The following NEBL variants were observed in gnomAD, a reference collection of about 807,000 sequenced individuals.
NEBL encodes nebulette.
A neutral mutation model predicts 140.2 loss-of-function variants in NEBL; 122 were observed. The observed-to-expected ratio is 0.87, with a 90% CI of 0.75 to 1.01. The LOEUF (loss-of-function observed/expected upper bound fraction) is 1.01. NEBL is among the 50% of genes least tolerant of loss of function. NEBL has a pLI of 0.00. For synonymous variants in NEBL, 436 were observed against 398.9 expected, an observed-to-expected ratio of 1.09 and a Z score of -1.11; for missense variants, 1,365 against 1,231.3, an observed-to-expected ratio of 1.11 and a Z score of -1.62.
Position 20,889,969 on chromosome 10 carries a change from A to G in NEBL, c.154-20T>C. 1 of 1,472,220 alleles carries G rather than the reference A, an allele frequency of 6.8e-7. No individual in the cohort carries two copies. Among genetic ancestry groups the G allele is most frequent in the South Asian group, 1.2e-5 (1 of 84,522 alleles). 91.2% of individuals were successfully genotyped at this position (1,472,220 alleles called of 1,614,324 possible). Reference sequence around the variant, plus strand: ...ACGGATCTAAAAAAGAGAATGATTTACATAAGAAGAGAAAAAGAAAAACAA... The same window carrying G: ...ACGGATCTAAAAAAGAGAATGATTTGCATAAGAAGAGAAAAAGAAAAACAA... On this transcript the variant is annotated intron_variant, in intron 2 of 27. Transcript: ENST00000377122.
chr10:21,055,499 C>A (rs1290343518), intron 2 of NEBL, among the ~76,000 whole-genome samples: 3 of 152,036 alleles, frequency 2.0e-5, no homozygotes, highest in African/African-American at 7.2e-5. Context: ...AAATGAAAAC[C>A]CACCCACCTG....
intron 4 of NEBL, among the ~76,000 whole-genome samples, chr10:20,942,919 C>T (rs1834958350): frequency 6.6e-6 from 1 of 152,134 alleles, no homozygotes; most frequent in African/African-American, 2.4e-5. Context: ...GAATGGCGAT[C>T]AGTAAAAAGT....
At chr10:20,848,920 A>T (rs1384898494) in intron 11 of NEBL, among the ~76,000 whole-genome samples, 2 of 152,226 alleles carry the variant, frequency 1.3e-5, no homozygotes, top group African/African-American at 4.8e-5. Flanking sequence ...TTTCCCAAGA[A>T]TATGAATTAT....
intron 7 of NEBL, among the ~76,000 whole-genome samples, chr10:20,865,297 A>G (rs1031708329): frequency 6.6e-6 from 1 of 152,204 alleles, no homozygotes; most frequent in Non-Finnish European, 1.5e-5. Flanking sequence ...GCCAGGCACC[A>G]TTTTAAGTGT....
At chr10:20,827,653 G>C (rs147118746) in intron 17 of NEBL, among the ~76,000 whole-genome samples, 99 of 152,062 alleles carry the variant, frequency 6.5e-4, no homozygotes, top group Middle Eastern at 3.4e-3. Flanking sequence ...TTTACAATAG[G>C]AAAGACATGG....
chr10:21,049,835 T>C (rs1834692978), intron 2 of NEBL, among the ~76,000 whole-genome samples: 1 of 152,200 alleles, frequency 6.6e-6, no homozygotes, highest in African/African-American at 2.4e-5. Context: ...GAACTGTCTA[T>C]TACAGAAATA....
chr10:20,890,073 C>T (rs1846901282), intron 2 of NEBL, 124 bp from the exon 3 acceptor site: 1 of 657,598 alleles, frequency 1.5e-6, no homozygotes, highest in Non-Finnish European at 2.6e-6. Context: ...TGAAAGGGAC[C>T]TCAAAACAAG....
intron 2 of NEBL, among the ~76,000 whole-genome samples, chr10:21,069,100 G>A (rs1304214739): frequency 6.6e-6 from 1 of 152,052 alleles, no homozygotes; most frequent in African/African-American, 2.4e-5. Flanking sequence ...TGTGGCCCAG[G>A]CTGGTCTTGA....
intron 3 of NEBL, among the ~76,000 whole-genome samples, chr10:21,192,940 A>G (rs901215729): frequency 6.6e-5 from 10 of 152,180 alleles, no homozygotes; most frequent in African/African-American, 2.4e-4. Flanking sequence ...TGACGTGATG[A>G]GAGTCCCTAG....
intron 2 of NEBL, among the ~76,000 whole-genome samples, chr10:21,027,736 G>C (rs748333231): frequency 6.6e-6 from 1 of 152,126 alleles, no homozygotes; most frequent in East Asian, 1.9e-4. Flanking sequence ...CTCTTTGCTG[G>C]GGACCATCTT....
chr10:20,814,665 C>G (rs1040778210), intron 22 of NEBL, among the ~76,000 whole-genome samples: 8 of 148,656 alleles, frequency 5.4e-5, no homozygotes, highest in African/African-American at 1.5e-4. Context: ...TTAAGTTAAA[C>G]AGAGAAAATC....
chr10:21,008,406 G>A (rs1838215545), intron 3 of NEBL, among the ~76,000 whole-genome samples: 1 of 152,046 alleles, frequency 6.6e-6, no homozygotes, highest in African/African-American at 2.4e-5. Context: ...ATTAGTTATT[G>A]TTGTGGTTTT....
chr10:21,066,530 T>G (rs752777003), intron 2 of NEBL, among the ~76,000 whole-genome samples: 1 of 152,212 alleles, frequency 6.6e-6, no homozygotes, highest in Non-Finnish European at 1.5e-5. Context: ...AACAAATATG[T>G]CTAAGATATT....
chr10:20,932,223 G>T (rs1834226057), intron 4 of NEBL, among the ~76,000 whole-genome samples: 1 of 152,150 alleles, frequency 6.6e-6, no homozygotes, highest in South Asian at 2.1e-4. Flanking sequence ...TATACACCAT[G>T]GAATACTATG....
chr10:21,194,290 A>T (rs1303644093), intron 3 of NEBL, among the ~76,000 whole-genome samples: 1 of 152,170 alleles, frequency 6.6e-6, no homozygotes, highest in East Asian at 1.9e-4. Context: ...ATTTTAAAAT[A>T]TTTAGATTCT....
In NEBL at chr10:21,173,720, C is replaced by A; in HGVS notation, c.69+45G>T. On this transcript the variant is annotated intron_variant, in intron 1 of 6. Coordinates refer to the NEBL transcript ENST00000417816. This position sits in a 1 kb window ranked among gnomAD's most constrained non-coding sequence, Gnocchi z 5.7. ...CAAAACTTCTCGAAGCAGGTGCAGC[C>A]CCTCGCCCGGCAGGTCCAGGCTGGC... 1 of 1,611,086 alleles carries A rather than the reference C, an allele frequency of 6.2e-7. No individual in the cohort carries two copies.
At chr10:20,909,211 C>A (rs954750133) in intron 4 of NEBL, among the ~76,000 whole-genome samples, 2 of 151,782 alleles carry the variant, frequency 1.3e-5, no homozygotes, top group Non-Finnish European at 2.9e-5. Flanking sequence ...TGACAGTCAC[C>A]CTGTTGCTAT....
At chr10:21,225,350 C>G (rs901697450) in intron 3 of NEBL, among the ~76,000 whole-genome samples, 1 of 152,118 alleles carries the variant, frequency 6.6e-6, no homozygotes, top group East Asian at 1.9e-4. Flanking sequence ...CAGCACGACA[C>G]AGGGTTTCAC....
At chr10:21,266,369 T>C (rs1842796885) in intron 1 of NEBL, among the ~76,000 whole-genome samples, 1 of 152,192 alleles carries the variant, frequency 6.6e-6, no homozygotes, top group South Asian at 2.1e-4. Context: ...CTCGAACTCC[T>C]GAGCTCAAGC....
Sources: gnomAD v4.1 joint callset for allele counts (sites outside exome capture counted in the v4.1 genomes callset) on GRCh38, gnomAD v4.1.1 for gene constraint, Gnocchi (gnomAD v3.1) non-coding constraint, MANE v1.5 for transcripts, NCBI Gene and HGNC (gene_info 2026-07-23, HGNC 2026-07-21) for gene names.